FBXL4: variants seen among roughly 807,000 people sequenced by gnomAD.
The protein encoded by FBXL4 is F-box and leucine rich repeat protein 4.
A neutral mutation model predicts 58.9 loss-of-function variants in FBXL4; 40 were observed. The ratio of observed to expected loss-of-function variants is 0.68; its 90% CI spans 0.53 to 0.88. The LOEUF (loss-of-function observed/expected upper bound fraction) is 0.88, where lower values mean the gene tolerates loss of function less well. FBXL4 is among the 40% of genes least tolerant of loss of function. FBXL4 has a pLI of 0.00. For missense variants in FBXL4, 676 were observed against 734.4 expected (o/e 0.92, Z 0.92); for synonymous variants, 263 against 265.5 (o/e 0.99, Z 0.09).
intron 5 of FBXL4, among the ~76,000 whole-genome samples, chr6:98,911,041 C>T (rs970949357): frequency 3.1e-5 from 2 of 63,492 alleles, no homozygotes; most frequent in Non-Finnish European, 7.9e-5. Flanking sequence ...GCACCTGGCT[C>T]GGAGGGTCCT....
rs2128372433 is a variant in FBXL4, at chr6:98,869,736, G to GT, written c.*4541dup. On this transcript the variant is annotated 3_prime_UTR_variant, in exon 10 of 10. Coordinates refer to ENST00000369244, the MANE Select transcript of FBXL4 (RefSeq NM_001278716.2). ...TAGTATCATTACACTTCACATATGAGTTTTAGTCTTCAGTTAATTCCTGGG... is the reference window on the plus strand; with the variant it reads ...TAGTATCATTACACTTCACATATGAGTTTTTAGTCTTCAGTTAATTCCTGGG... 1 of 152,256 alleles carries GT rather than the reference G, an allele frequency of 6.6e-6. No individual in the cohort carries two copies. The highest frequency in any genetic ancestry group is 1.9e-4 in the East Asian group (1 of 5,184). 9.4% of individuals were successfully genotyped at this position (152,256 alleles called of 1,614,324 possible). A position where few individuals can be genotyped will look rare whatever the true frequency, so the allele number is the denominator to read the frequency against.
chr6:98,917,306 A>G (rs1772396192), intron 5 of FBXL4, 68 bp downstream of exon 5: 7 of 1,071,738 alleles, frequency 6.5e-6, no homozygotes, highest in Non-Finnish European at 9.4e-6. Flanking sequence ...CTCAGTAAAC[A>G]TTAATATCTA....
At chr6:98,913,212 C>A (rs1235499917) in intron 5 of FBXL4, among the ~76,000 whole-genome samples, 1 of 152,136 alleles carries the variant, frequency 6.6e-6, no homozygotes, top group East Asian at 1.9e-4. Context: ...CTTAGACTCC[C>A]ACACAATAAT....
chr6:98,915,927 T>A (rs1055699890), intron 5 of FBXL4, among the ~76,000 whole-genome samples: 63 of 151,668 alleles, frequency 4.2e-4, no homozygotes, highest in African/African-American at 6.8e-4. Context: ...CTCATCTGAC[T>A]AAGGGCTAAT....
At chr6:98,913,823 A>G (rs1450747158) in intron 5 of FBXL4, among the ~76,000 whole-genome samples, 7 of 152,230 alleles carry the variant, frequency 4.6e-5, no homozygotes, top group African/African-American at 7.2e-5. Flanking sequence ...ATCAGAGCAG[A>G]ACTGAAGGAA....
chr6:98,919,749 C>A (rs1772507156), intron 4 of FBXL4, among the ~76,000 whole-genome samples: 1 of 152,172 alleles, frequency 6.6e-6, no homozygotes, highest in African/African-American at 2.4e-5. Context: ...TAAAACAATG[C>A]TGGTGAGAAA....
chr6:98,931,010 G>A (rs1772992178), intron 2 of FBXL4, among the ~76,000 whole-genome samples: 1 of 152,170 alleles, frequency 6.6e-6, no homozygotes, highest in Non-Finnish European at 1.5e-5. Context: ...TAATTTAGAA[G>A]ACTATGGATG....
chr6:98,934,457 A>T (rs926065978), intron 2 of FBXL4, among the ~76,000 whole-genome samples: 6 of 152,140 alleles, frequency 3.9e-5, no homozygotes, highest in African/African-American at 1.4e-4. Context: ...CAGCAAAGGT[A>T]ATAAGACAGC....
In FBXL4 at chr6:98,869,968, T is replaced by C. The variant is rs1770450179; in HGVS notation, c.*4310A>G. On this transcript the variant is annotated 3_prime_UTR_variant, in exon 10 of 10. Transcript: ENST00000369244. ...CTAGACTCTGGGAAGATAATTTACC[T>C]GAGCAAAATGCAAAGATAAATAATT... The C allele has an allele frequency of 6.6e-6, 1 of 152,198 alleles. No homozygotes were observed. Among genetic ancestry groups the C allele is most frequent in the Non-Finnish European group, 1.5e-5 (1 of 68,032 alleles). 9.4% of individuals were successfully genotyped at this position (152,198 alleles called of 1,614,324 possible). A position where few individuals can be genotyped will look rare whatever the true frequency, so the allele number is the denominator to read the frequency against.
chr6:98,899,761 C>T (rs926236284), intron 6 of FBXL4, among the ~76,000 whole-genome samples: 2 of 151,974 alleles, frequency 1.3e-5, no homozygotes, highest in African/African-American at 4.8e-5. Context: ...ATTTTTCCCA[C>T]TTACCTATAA....
At chr6:98,899,089 A>G in intron 7 of FBXL4, 179 bp downstream of exon 7, 15 of 985,252 alleles carry the variant, frequency 1.5e-5, no homozygotes, top group Non-Finnish European at 1.8e-5. Flanking sequence ...ATTTAAAAGC[A>G]TATTAGGTTT....
At chr6:98,906,343 C>T (rs989251656) in intron 5 of FBXL4, among the ~76,000 whole-genome samples, 1 of 147,646 alleles carries the variant, frequency 6.8e-6, no homozygotes, top group Non-Finnish European at 1.5e-5. Flanking sequence ...CACCCCCCAA[C>T]AGGCCCCAGT....
rs1190235200 is a variant in FBXL4 at position 98,874,241 on chromosome 6, C to T, written c.*37G>A. 2.7e-6 allele frequency: 4 copies of T among 1,467,846 alleles called. No homozygotes were observed. Among genetic ancestry groups the T allele is most frequent in the Non-Finnish European group, 3.6e-6 (4 of 1,106,240 alleles). 90.9% of individuals were successfully genotyped at this position (1,467,846 alleles called of 1,614,324 possible). A position where few individuals can be genotyped will look rare whatever the true frequency, so the allele number is the denominator to read the frequency against. On this transcript the variant is annotated 3_prime_UTR_variant, in exon 10 of 10. Transcript: ENST00000369244. Reference sequence around the variant, plus strand: ...AACCAATCCCAAAATTAAACCCCAACAAAGCACATTAATTTTAATACAGAA... The same window carrying T: ...AACCAATCCCAAAATTAAACCCCAATAAAGCACATTAATTTTAATACAGAA...
Position 98,872,345 on chromosome 6 carries a change from A to G in FBXL4, c.*1933T>C, listed in dbSNP as rs1339269158. 6.6e-6 allele frequency: 1 copy of G among 152,222 alleles called. No individual in the cohort carries two copies. Among genetic ancestry groups the G allele is most frequent in the Non-Finnish European group, 1.5e-5 (1 of 68,030 alleles). The allele number at this position is 152,222 out of a possible 1,614,324, so 9.4% of individuals were successfully genotyped here. A position where few individuals can be genotyped will look rare whatever the true frequency, so the allele number is the denominator to read the frequency against. ...CAAGTGATGAATATGCTCAACAAAAATCATATTCTCATGGATTAATGTAAG... is the reference window on the plus strand; with the variant it reads ...CAAGTGATGAATATGCTCAACAAAAGTCATATTCTCATGGATTAATGTAAG... On this transcript the variant is annotated 3_prime_UTR_variant, in exon 10 of 10. Transcript: ENST00000369244.
chr6:98,874,541 T>A, intron 9 of FBXL4, 100 bp from the exon 10 acceptor site: 3 of 1,280,290 alleles, frequency 2.3e-6, no homozygotes, highest in South Asian at 1.5e-5. Context: ...TTGTTTGTAA[T>A]GAACTTAAAA....
intron 6 of FBXL4, among the ~76,000 whole-genome samples, chr6:98,900,611 G>C (rs962595447): frequency 1.3e-5 from 2 of 152,138 alleles, no homozygotes; most frequent in East Asian, 3.8e-4. Flanking sequence ...ACACTGCCTC[G>C]TGGGATTGAA....
chr6:98,884,954 G>C (rs996923995), intron 7 of FBXL4, among the ~76,000 whole-genome samples: 1 of 152,178 alleles, frequency 6.6e-6, no homozygotes, highest in Non-Finnish European at 1.5e-5. Flanking sequence ...CCCTTTGAGA[G>C]AGTGGGCTTA....
intron 1 of FBXL4, among the ~76,000 whole-genome samples, chr6:98,935,300 GTTTT>G (rs1477321071): frequency 2.0e-5 from 3 of 146,694 alleles, no homozygotes; most frequent in African/African-American, 5.0e-5. Context: ...GAGTGGAATG[GTTTT>G]TTGTTTTTTT....
intron 5 of FBXL4, among the ~76,000 whole-genome samples, chr6:98,914,371 A>G (rs1772238020): frequency 6.6e-6 from 1 of 152,232 alleles, no homozygotes; most frequent in Non-Finnish European, 1.5e-5. Context: ...CAAAAAAGAG[A>G]GTTTTAGACC....
Sources: gnomAD v4.1 joint callset for allele counts (sites outside exome capture counted in the v4.1 genomes callset) on GRCh38, gnomAD v4.1.1 for gene constraint, MANE v1.5 for transcripts, NCBI Gene and HGNC (gene_info 2026-07-23, HGNC 2026-07-21) for gene names.